BTAF1: variants seen among roughly 807,000 people sequenced by gnomAD.
BTAF1 encodes the protein TATA-binding protein-associated factor 172.
In BTAF1, 38 loss-of-function variants were observed where a neutral mutation model predicts 227.1. That is an observed-to-expected ratio of 0.17 (90% CI 0.13 to 0.22). The LOEUF is 0.22. BTAF1 is among the 10% of genes least tolerant of loss of function. The pLI is 1.00. For synonymous variants in BTAF1, 742 were observed against 751.9 expected, an observed-to-expected ratio of 0.99 and a Z score of 0.21; for missense variants, 1,598 against 2,204.0, an observed-to-expected ratio of 0.73 and a Z score of 5.51.
At chr10:91,984,745 A>G (rs1046281373) in intron 19 of BTAF1, among the ~76,000 whole-genome samples, 2 of 152,228 alleles carry the variant, frequency 1.3e-5, no homozygotes, top group African/African-American at 4.8e-5. Context: ...CTCTCAGCCT[A>G]TAATGAAAAT....
At chr10:91,997,462 G>A in intron 24 of BTAF1, 141 bp from the exon 25 acceptor site, 1 of 699,534 alleles carries the variant, frequency 1.4e-6, no homozygotes, top group Non-Finnish European at 2.3e-6. Flanking sequence ...TTGAATCATA[G>A]GCCTGGAGGG....
In BTAF1 at chr10:92,001,981, T is replaced by C. The variant is rs1421221449; in HGVS notation, c.3660+4230T>C. On this transcript the variant is annotated intron_variant, in intron 25 of 37. Transcript: ENST00000265990. ...AAAAAAAAAAAACCATATATATATA[T>C]ATATACACACACACACACACACACA... is the stretch of plus-strand genomic sequence containing the variant. 7.0e-3 allele frequency among the ~76,000 whole-genome samples: 650 copies of C among 92,852 alleles called. 3 individuals carry two copies. Among genetic ancestry groups the C allele is most frequent in the Non-Finnish European group, 0.012 (477 of 40,166 alleles). 60.9% of individuals were successfully genotyped at this position (92,852 alleles called of 152,430 possible). A position where few individuals can be genotyped will look rare whatever the true frequency, so the allele number is the denominator to read the frequency against.
chr10:92,016,762 A>C (rs1336551886), intron 33 of BTAF1, among the ~76,000 whole-genome samples: 2 of 152,188 alleles, frequency 1.3e-5, no homozygotes, highest in African/African-American at 4.8e-5. Context: ...GGCATGAGCC[A>C]CCACGTCTGG....
At position 92,029,000 on chromosome 10, in the gene BTAF1, C is replaced by CTAAG; in HGVS notation, c.*69_*72dup. On this transcript the variant is annotated 3_prime_UTR_variant, in exon 38 of 38. Transcript: ENST00000265990. Reference sequence around the variant, plus strand: ...ATTTCTGCTGATATTCAGCAAATTTCTAAGTTTATGGTGAACTTTTAACTC... The same window carrying CTAAG: ...ATTTCTGCTGATATTCAGCAAATTTCTAAGTAAGTTTATGGTGAACTTTTAACTC... 7 of 1,440,410 alleles carry CTAAG rather than the reference C, an allele frequency of 4.9e-6. No individual in the cohort carries two copies. In the South Asian group the frequency reaches 5.5e-5, roughly 11 times the overall value. 89.2% of individuals were successfully genotyped at this position (1,440,410 alleles called of 1,614,324 possible). A position where few individuals can be genotyped will look rare whatever the true frequency, so the allele number is the denominator to read the frequency against.
At chr10:92,010,990 A>T (rs1850252924) in intron 28 of BTAF1, 83 bp from the exon 29 acceptor site, 21 of 1,016,300 alleles carry the variant, frequency 2.1e-5, no homozygotes, top group Middle Eastern at 3.0e-4. Flanking sequence ...TAGTGGGCAG[A>T]TTGAAAGCAC....
intron 18 of BTAF1, 31 bp from the exon 19 acceptor site, chr10:91,984,170 G>C: frequency 1.3e-6 from 2 of 1,591,722 alleles, no homozygotes; most frequent in Non-Finnish European, 8.6e-7. Flanking sequence ...TGTTCATACA[G>C]TTACCCTATT....
At chr10:91,965,662 A>G (rs1448918245) in intron 13 of BTAF1, among the ~76,000 whole-genome samples, 1 of 152,234 alleles carries the variant, frequency 6.6e-6, no homozygotes, top group East Asian at 1.9e-4. Context: ...TTATGTAAGA[A>G]GAAATGTAGC....
chr10:91,939,892 C>T lies in BTAF1; in HGVS notation c.139-60C>T, dbSNP rs12241256. The T allele has an allele frequency of 0.014, 16,384 of 1,131,650 alleles. 1,082 individuals carry two copies. The African/African-American group carries it at 0.18, about 12-fold the overall frequency. The allele number at this position is 1,131,650 out of a possible 1,614,324, so 70.1% of individuals were successfully genotyped here. On this transcript the variant is annotated intron_variant, in intron 2 of 37. Coordinates refer to ENST00000265990, the MANE Select transcript of BTAF1 (RefSeq NM_003972.3). ...ACAAGTAAATTTGTATTTCTCTGTT[C>T]TGGCTACCTTGCGCAAACAATATTT...
At chr10:91,972,622 T>C (rs556664681) in intron 14 of BTAF1, among the ~76,000 whole-genome samples, 8 of 152,350 alleles carry the variant, frequency 5.3e-5, no homozygotes, top group African/African-American at 1.7e-4. Flanking sequence ...TCTGATGCTT[T>C]TATCTGTTAT....
chr10:92,026,509 AT>A, intron 35 of BTAF1, 82 bp from the exon 36 acceptor site: 4 of 1,154,984 alleles, frequency 3.5e-6, no homozygotes, highest in Non-Finnish European at 4.8e-6. Flanking sequence ...CAGCATTTTC[AT>A]TTGTGCTCTT....
At chr10:92,019,222 A>G (rs968718685) in intron 34 of BTAF1, among the ~76,000 whole-genome samples, 3 of 152,364 alleles carry the variant, frequency 2.0e-5, no homozygotes, top group East Asian at 1.9e-4. Flanking sequence ...CAGAAACTCT[A>G]TATTCATCAA....
At position 91,942,509 on chromosome 10, in the gene BTAF1, A is replaced by G. The variant is rs1589763947; in HGVS notation, c.341A>G (p.His114Arg). Residue 114 changes from histidine (H) to arginine (R), a missense_variant, in exon 4 of 38, where the codon CAT becomes CGT. Physicochemically the swap from His to Arg is conservative, Grantham distance 29 (BLOSUM62 0). Coordinates refer to ENST00000265990, the MANE Select transcript of BTAF1 (RefSeq NM_003972.3). ...TTTGATATATGTAGATTGTTACAAC[A>G]TGGTGCATCACTCCTGGGATCTGCT... ...DRFDICRLLQ[H>R]GASLLGSAGA... is the part of the protein sequence containing the mutation. The G allele has an allele frequency of 6.2e-7, 1 of 1,614,164 alleles. No homozygotes were observed. Among genetic ancestry groups the G allele is most frequent in the South Asian group, 1.1e-5 (1 of 91,078 alleles).
Position 91,989,333 on chromosome 10 carries a change from G to A in BTAF1, c.2607G>A (p.Gln869=), listed in dbSNP as rs146269136. 1.1e-4 allele frequency: 185 copies of A among 1,614,130 alleles called. No homozygotes were observed. The African/African-American group carries it at 2.2e-3, about 20-fold the overall frequency. Residue 869 remains glutamine, a synonymous_variant, in exon 20 of 38, where the codon CAG becomes CAA. Coordinates refer to ENST00000265990, the MANE Select transcript of BTAF1 (RefSeq NM_003972.3). ...FAACAVVSLQ[Q]LPEKLNPIIK... Reference sequence around the variant, plus strand: ...CCTGTGCAGTTGTGAGCTTGCAGCAGCTTCCGGAGAAATTAAATCCTATCA... The same window carrying A: ...CCTGTGCAGTTGTGAGCTTGCAGCAACTTCCGGAGAAATTAAATCCTATCA...
chr10:92,028,895 G>C lies in BTAF1; in HGVS notation c.5512G>C (p.Glu1838Gln), dbSNP rs1851714922. The C allele has an allele frequency of 6.3e-7, 1 of 1,597,890 alleles. No homozygotes were observed. Among genetic ancestry groups the C allele is most frequent in the Non-Finnish European group, 8.5e-7 (1 of 1,174,584 alleles). Residue 1838 changes from glutamate to glutamine, a missense_variant, in exon 38 of 38, where the codon GAG becomes CAG. Coordinates refer to ENST00000265990, the MANE Select transcript of BTAF1 (RefSeq NM_003972.3). ...TTGGGATCAAGAGCAGTATGATTCA[G>C]AGTACAGCCTGGAAAATTTTATGCA... ...DLWDQEQYDS[E>Q]YSLENFMHSL...
chr10:91,928,178 A>G (rs376509089), intron 1 of BTAF1, among the ~76,000 whole-genome samples: 1 of 152,178 alleles, frequency 6.6e-6, no homozygotes, highest in South Asian at 2.1e-4. Context: ...TGCAAAATTG[A>G]TATGATGTAT....
chr10:91,996,941 C>A, intron 24 of BTAF1: 1 of 399,292 alleles, frequency 2.5e-6, no homozygotes, highest in Non-Finnish European at 4.5e-6. Context: ...ATGTTATAAA[C>A]ATTTTATGTT....
At position 91,975,579 on chromosome 10, in the gene BTAF1, G is replaced by A. The variant is rs182408186; in HGVS notation, c.1651-4875G>A. ...GTTTCAGAGCAAATTAGTAAAATTA[G>A]TGAAAGAACCCAGTGTGATTCATCA... is the stretch of plus-strand genomic sequence containing the variant. On this transcript the variant is annotated intron_variant, in intron 14 of 37. Coordinates refer to ENST00000265990, the MANE Select transcript of BTAF1 (RefSeq NM_003972.3). Among the ~76,000 whole-genome samples the A allele has an allele frequency of 1.9e-3, 294 of 152,318 alleles. 2 individuals are homozygous for A. The highest frequency in any genetic ancestry group is 6.8e-3 in the African/African-American group (281 of 41,564).
At chr10:91,952,491 G>A (rs534744920) in intron 5 of BTAF1, among the ~76,000 whole-genome samples, 38 of 152,282 alleles carry the variant, frequency 2.5e-4, no homozygotes, top group African/African-American at 8.2e-4. Context: ...CTGACCCCCA[G>A]TATTCTTTTA....
Position 91,953,889 on chromosome 10 carries a change from TG to T in BTAF1, c.701+17del, listed in dbSNP as rs1246022885. 3 of 1,612,474 alleles carry T rather than the reference TG, an allele frequency of 1.9e-6. No homozygotes were observed. In the African/African-American group the frequency reaches 4.0e-5, roughly 22 times the overall value. On this transcript the variant is annotated intron_variant, in intron 6 of 37. Coordinates refer to ENST00000265990, the MANE Select transcript of BTAF1 (RefSeq NM_003972.3). ...ATGAGAAGAGGTAGTAATCTTTTTTTGCCTATTCACTTAAAACAAGAGGGCT... is the reference window on the plus strand; with the variant it reads ...ATGAGAAGAGGTAGTAATCTTTTTTTCCTATTCACTTAAAACAAGAGGGCT...
Sources: gnomAD v4.1 joint callset for allele counts (sites outside exome capture counted in the v4.1 genomes callset) on GRCh38, gnomAD v4.1.1 for gene constraint, MANE v1.5 for transcripts, NCBI Gene and HGNC (gene_info 2026-07-23, HGNC 2026-07-21) for gene names.